CHST11: variants seen among roughly 807,000 people sequenced by gnomAD.
The protein encoded by CHST11 is C4S-1.
A neutral mutation model predicts 30.4 loss-of-function variants in CHST11; 9 were observed. That is an observed-to-expected ratio of 0.30 (90% CI 0.18 to 0.52). CHST11 has a LOEUF of 0.52. CHST11 is among the 20% of genes least tolerant of loss of function. The pLI is 0.97. For missense variants in CHST11, 348 were observed against 460.6 expected (o/e 0.76, Z 2.24); for synonymous variants, 152 against 187.8 (o/e 0.81, Z 1.56).
intron 2 of CHST11, among the ~76,000 whole-genome samples, chr12:104,618,411 T>A (rs938386299): frequency 5.8e-4 from 88 of 151,884 alleles, no homozygotes; most frequent in Non-Finnish European, 1.1e-3. Flanking sequence ...TGTTTTCTTT[T>A]TTTGGTAGAG....
chr12:104,723,760 A>T (rs1436567644), intron 2 of CHST11, among the ~76,000 whole-genome samples: 1 of 152,226 alleles, frequency 6.6e-6, no homozygotes, highest in African/African-American at 2.4e-5. Flanking sequence ...GTATCACTTT[A>T]GTGCCCAGAA....
chr12:104,544,180 A>AAAGAAAGAAAGAAAGAAAGAC (rs2038319253), intron 1 of CHST11, among the ~76,000 whole-genome samples: 6 of 148,634 alleles, frequency 4.0e-5, no homozygotes, highest in African/African-American at 1.5e-4. Context: ...GAAAGAAAGA[A>AAAGAAAGAAAGAAAGAAAGAC]AGACCTGAAA....
intron 2 of CHST11, among the ~76,000 whole-genome samples, chr12:104,701,838 A>C (rs954069369): frequency 8.5e-5 from 13 of 152,234 alleles, no homozygotes; most frequent in Non-Finnish European, 1.8e-4. Flanking sequence ...CCTGATATGC[A>C]CTTGGGTGCT....
In CHST11 at chr12:104,607,666, C is replaced by T. The variant is rs551405858; in HGVS notation, c.204+5675C>T. Reference sequence around the variant, plus strand: ...GAGGCCACAGGGAGACAGTCCATGGCGCATTCAGAGAACTGTGAGGGGTTT... The same window carrying T: ...GAGGCCACAGGGAGACAGTCCATGGTGCATTCAGAGAACTGTGAGGGGTTT... On this transcript the variant is annotated intron_variant, in intron 2 of 2. Transcript: ENST00000303694. 9.9e-5 allele frequency among the ~76,000 whole-genome samples: 15 copies of T among 152,172 alleles called. No homozygotes were observed. The East Asian group carries it at 2.1e-3, about 22-fold the overall frequency.
At chr12:104,739,239 G>A (rs1287352491) in intron 2 of CHST11, among the ~76,000 whole-genome samples, 1 of 152,222 alleles carries the variant, frequency 6.6e-6, no homozygotes, top group Non-Finnish European at 1.5e-5. Flanking sequence ...GGCAGGGAAA[G>A]TGAAAGGAAA....
intron 1 of CHST11, among the ~76,000 whole-genome samples, chr12:104,577,178 A>G (rs2038691543): frequency 6.7e-6 from 1 of 150,352 alleles, no homozygotes; most frequent in Non-Finnish European, 1.5e-5. Flanking sequence ...TCTGCCTGAC[A>G]GAGTGTTTCT....
intron 2 of CHST11, among the ~76,000 whole-genome samples, chr12:104,730,639 C>G (rs1487488683): frequency 6.6e-6 from 1 of 150,518 alleles, no homozygotes; most frequent in Non-Finnish European, 1.5e-5. Flanking sequence ...CTTGAAAGGA[C>G]AGAATGGGAA....
intron 2 of CHST11, among the ~76,000 whole-genome samples, chr12:104,716,953 A>G (rs1293348270): frequency 2.0e-5 from 3 of 152,174 alleles, no homozygotes; most frequent in Non-Finnish European, 4.4e-5. Context: ...GGCCACCTTC[A>G]TTCCTTGGCT....
intron 1 of CHST11, among the ~76,000 whole-genome samples, chr12:104,587,806 C>T (rs545171205): frequency 6.2e-5 from 9 of 145,360 alleles, no homozygotes; most frequent in Admixed American, 5.6e-4. Flanking sequence ...GTTTCAGACT[C>T]TTCAATTCGT....
chr12:104,577,688 A>G (rs954267491), intron 1 of CHST11, among the ~76,000 whole-genome samples: 9 of 152,318 alleles, frequency 5.9e-5, no homozygotes, highest in East Asian at 3.9e-4. Flanking sequence ...ATGGCAGAAT[A>G]GAGGATATCT....
chr12:104,685,129 A>G (rs1385615536), intron 2 of CHST11, among the ~76,000 whole-genome samples: 1 of 152,226 alleles, frequency 6.6e-6, no homozygotes, highest in African/African-American at 2.4e-5. Flanking sequence ...TTATCCATCC[A>G]GATGGTTAGC....
chr12:104,626,578 C>CAA (rs34633763), intron 2 of CHST11, among the ~76,000 whole-genome samples: 171 of 78,128 alleles, frequency 2.2e-3, no homozygotes, highest in African/African-American at 5.2e-3. Flanking sequence ...CCTCCCCACC[C>CAA]AAAAAAAAAA....
chr12:104,548,187 C>G (rs12305128), intron 1 of CHST11, among the ~76,000 whole-genome samples: 5,742 of 152,268 alleles, frequency 0.038, 360 homozygotes, highest in African/African-American at 0.13. Flanking sequence ...TAACCTAATG[C>G]ACGGTGGCAC....
chr12:104,493,637 G>A (rs1201285534), intron 1 of CHST11, among the ~76,000 whole-genome samples: 2 of 152,168 alleles, frequency 1.3e-5, no homozygotes, highest in Admixed American at 6.5e-5. Context: ...CTTCCTTGCC[G>A]TCTCTACCCT....
At chr12:104,664,366 G>A (rs1185309354) in intron 2 of CHST11, among the ~76,000 whole-genome samples, 1 of 152,052 alleles carries the variant, frequency 6.6e-6, no homozygotes, top group Non-Finnish European at 1.5e-5. Flanking sequence ...GGTCTTCTTA[G>A]GTCTTTGAGA....
At chr12:104,685,226 T>C (rs1038043214) in intron 2 of CHST11, among the ~76,000 whole-genome samples, 3 of 152,222 alleles carry the variant, frequency 2.0e-5, no homozygotes, top group Non-Finnish European at 2.9e-5. Context: ...AAAATCTTAA[T>C]ATATAGCCTC....
In CHST11 at chr12:104,676,224, A is replaced by C; in HGVS notation, c.204+74233A>C. 6.6e-6 allele frequency among the ~76,000 whole-genome samples: 1 copy of C among 152,154 alleles called. No homozygotes were observed. The highest frequency in any genetic ancestry group is 2.1e-4 in the South Asian group (1 of 4,820). On this transcript the variant is annotated intron_variant, in intron 2 of 2. Transcript: ENST00000303694. This position sits in a 1 kb window ranked among gnomAD's most constrained non-coding sequence, Gnocchi z 4.4. ...TAAATGTGTTATTTTACTGTTCTGG[A>C]GGTCAGGAGTCTGAAATGGGTCTCC...
intron 1 of CHST11, among the ~76,000 whole-genome samples, chr12:104,573,556 T>C (rs575287436): frequency 1.2e-3 from 178 of 151,970 alleles, no homozygotes; most frequent in Non-Finnish European, 2.2e-3. Flanking sequence ...AATAATGCCA[T>C]ACATCTACAA....
chr12:104,492,903 T>G (rs1248283455), intron 1 of CHST11, among the ~76,000 whole-genome samples: 1 of 151,964 alleles, frequency 6.6e-6, no homozygotes, highest in Non-Finnish European at 1.5e-5. Context: ...TATGGTGGTG[T>G]CCACCTGTAA....
Sources: gnomAD v4.1 joint callset for allele counts (sites outside exome capture counted in the v4.1 genomes callset) on GRCh38, gnomAD v4.1.1 for gene constraint, Gnocchi (gnomAD v3.1) non-coding constraint, MANE v1.5 for transcripts, NCBI Gene and HGNC (gene_info 2026-07-23, HGNC 2026-07-21) for gene names.